Variants in DTNA observed in about 807,000 individuals in gnomAD.
DTNA encodes the protein dystrobrevin alpha.
A neutral mutation model predicts 100.7 loss-of-function variants in DTNA; 43 were observed. The observed-to-expected ratio is 0.43, with a 90% CI of 0.33 to 0.55. The LOEUF (loss-of-function observed/expected upper bound fraction) is 0.55. Among genes scored for constraint, DTNA ranks in the 20% least tolerant of loss-of-function variants. The pLI, the probability that DTNA is intolerant of heterozygous loss-of-function variation, is 0.04. For missense variants in DTNA, 798 were observed against 953.9 expected (o/e 0.84, Z 2.15); for synonymous variants, 349 against 347.9 (o/e 1.00, Z -0.04).
chr18:34,692,727 ATCT>A (rs2079952004), intron 1 of DTNA, among the ~76,000 whole-genome samples: 1 of 152,188 alleles, frequency 6.6e-6, no homozygotes, highest in African/African-American at 2.4e-5. Flanking sequence ...TTTATACAAA[ATCT>A]TCTTCGTTGA....
intron 1 of DTNA, among the ~76,000 whole-genome samples, chr18:34,517,729 A>C (rs532099886): frequency 6.6e-6 from 1 of 152,194 alleles, no homozygotes; most frequent in African/African-American, 2.4e-5. Flanking sequence ...ATTTTTAAAA[A>C]TTCAACATAA....
At chr18:34,658,393 C>T (rs1023197433) in intron 1 of DTNA, among the ~76,000 whole-genome samples, 24 of 152,168 alleles carry the variant, frequency 1.6e-4, no homozygotes, top group Non-Finnish European at 7.3e-5. Context: ...GGCTCTATCA[C>T]CCAGGCTGGA....
intron 4 of DTNA, among the ~76,000 whole-genome samples, chr18:34,798,896 G>A (rs1451241993): frequency 6.6e-6 from 1 of 152,092 alleles, no homozygotes; most frequent in Non-Finnish European, 1.5e-5. Context: ...TACTAAATGA[G>A]GTAAATGAGG....
At chr18:34,597,776 GC>G (rs952904264) in intron 1 of DTNA, among the ~76,000 whole-genome samples, 10 of 47,684 alleles carry the variant, frequency 2.1e-4, no homozygotes, top group East Asian at 1.3e-3. Context: ...ACCGCCCCCC[GC>G]CCCCCCAGAA....
chr18:34,631,733 C>T (rs928126391), intron 1 of DTNA, among the ~76,000 whole-genome samples: 2 of 152,174 alleles, frequency 1.3e-5, no homozygotes, highest in African/African-American at 4.8e-5. Flanking sequence ...ACTGTTACCA[C>T]ATGGAAATTG....
At chr18:34,747,618 T>C (rs1286470611) in intron 1 of DTNA, among the ~76,000 whole-genome samples, 1 of 152,180 alleles carries the variant, frequency 6.6e-6, no homozygotes, top group Admixed American at 6.5e-5. Context: ...CCTAAGTTAC[T>C]TCACTAAAAA....
chr18:34,706,371 A>G (rs937209919), upstream of DTNA, among the ~76,000 whole-genome samples: 3 of 152,218 alleles, frequency 2.0e-5, no homozygotes, highest in African/African-American at 7.2e-5. Flanking sequence ...CTTCTCTACA[A>G]TGGACATGTA....
intron 1 of DTNA, among the ~76,000 whole-genome samples, chr18:34,613,490 T>G (rs1341333485): frequency 1.3e-5 from 2 of 152,186 alleles, no homozygotes; most frequent in African/African-American, 2.4e-5. Flanking sequence ...AGCCAAATTG[T>G]AAATGCAAAG....
intron 1 of DTNA, among the ~76,000 whole-genome samples, chr18:34,522,628 C>T (rs138432182): frequency 0.017 from 2,581 of 152,304 alleles, 34 homozygotes; most frequent in Middle Eastern, 0.048. Context: ...GCTCTGCCCT[C>T]TTTTTATTCA....
chr18:34,728,232 T>C (rs1488456994), intron 1 of DTNA, among the ~76,000 whole-genome samples: 1 of 152,108 alleles, frequency 6.6e-6, no homozygotes, highest in Non-Finnish European at 1.5e-5. Context: ...TATTGGAGTT[T>C]TTCTATATGT....
At chr18:34,829,302 T>A in intron 10 of DTNA, 98 bp from the exon 11 acceptor site, 3 of 1,523,112 alleles carry the variant, frequency 2.0e-6, no homozygotes, top group Non-Finnish European at 2.6e-6. Flanking sequence ...AGGGTGCTGT[T>A]CAATAAAGCT....
intron 1 of DTNA, among the ~76,000 whole-genome samples, chr18:34,684,157 G>A (rs1281684656): frequency 2.6e-5 from 4 of 151,956 alleles, no homozygotes; most frequent in Non-Finnish European, 5.9e-5. Flanking sequence ...AGATTTTTAT[G>A]TATATATATA....
At chr18:34,564,915 G>T (rs1038430179) in intron 1 of DTNA, among the ~76,000 whole-genome samples, 5 of 152,094 alleles carry the variant, frequency 3.3e-5, no homozygotes, top group Non-Finnish European at 5.9e-5. Flanking sequence ...ACCAAGCAAA[G>T]CTTTTATGTC....
At chr18:34,675,335 C>T (rs906027056) in intron 1 of DTNA, among the ~76,000 whole-genome samples, 6 of 152,034 alleles carry the variant, frequency 3.9e-5, no homozygotes, top group Admixed American at 1.3e-4. Flanking sequence ...AAAGTCATAC[C>T]CTCAAAAGAA....
intron 1 of DTNA, among the ~76,000 whole-genome samples, chr18:34,570,248 T>A (rs1044482424): frequency 1.3e-5 from 2 of 152,206 alleles, no homozygotes; most frequent in African/African-American, 4.8e-5. Flanking sequence ...CTCCAACACC[T>A]AAAATGTCCC....
At chr18:34,744,808 T>G (rs926335004) in intron 1 of DTNA, among the ~76,000 whole-genome samples, 2 of 152,190 alleles carry the variant, frequency 1.3e-5, no homozygotes, top group African/African-American at 4.8e-5. Flanking sequence ...TGTGTCTGTG[T>G]GGGCAGTGCC....
chr18:34,815,297 T>C (rs73946199), intron 6 of DTNA, among the ~76,000 whole-genome samples: 4,184 of 152,228 alleles, frequency 0.027, 187 homozygotes, highest in African/African-American at 0.094. Context: ...ATTCCTTTTG[T>C]ACATCCAAAA....
intron 1 of DTNA, among the ~76,000 whole-genome samples, chr18:34,652,633 C>A (rs914433877): frequency 6.6e-6 from 1 of 152,186 alleles, no homozygotes; most frequent in Non-Finnish European, 1.5e-5. Context: ...ACTTTTCCAG[C>A]ACTAGTTTAA....
chr18:34,564,179 A>G (rs56020330), intron 1 of DTNA, among the ~76,000 whole-genome samples: 1,978 of 151,796 alleles, frequency 0.013, 20 homozygotes, highest in Non-Finnish European at 0.017. Context: ...GTCTCCCTCT[A>G]TCACCTAGGC....
Sources: allele counts gnomAD v4.1 joint callset (sites outside exome capture counted in the v4.1 genomes callset), GRCh38; gene constraint gnomAD v4.1.1; transcripts MANE v1.5; gene names NCBI Gene and HGNC (gene_info 2026-07-23, HGNC 2026-07-21).